Variants in EEF1A2 observed in about 807,000 individuals in gnomAD.
EEF1A2 encodes elongation factor 1-alpha 2.
In EEF1A2, 5 loss-of-function variants were observed where a neutral mutation model predicts 39.3. The ratio of observed to expected loss-of-function variants is 0.13; its 90% CI spans 0.07 to 0.27. The LOEUF (loss-of-function observed/expected upper bound fraction) is 0.27, where lower values mean the gene tolerates loss of function less well. EEF1A2 is among the 10% of genes least tolerant of loss of function. The pLI, the probability that EEF1A2 is intolerant of heterozygous loss-of-function variation, is 1.00. For missense variants in EEF1A2, 218 were observed against 681.4 expected (o/e 0.32, Z 7.57); for synonymous variants, 287 against 293.7 (o/e 0.98, Z 0.23).
intron 2 of EEF1A2, 155 bp from the exon 3 acceptor site, chr20:63,496,190 C>G (rs2082415767): frequency 1.1e-6 from 1 of 897,168 alleles, no homozygotes; most frequent in Admixed American, 2.7e-5. Context: ...CGCCGGCCCC[C>G]TCCGTCGGGA....
At chr20:63,493,552 CTG>C (rs2082401738) in intron 4 of EEF1A2, among the ~76,000 whole-genome samples, 1 of 152,214 alleles carries the variant, frequency 6.6e-6, no homozygotes, top group African/African-American at 2.4e-5. Flanking sequence ...GTTGCTGACA[CTG>C]TGAACAAATC....
rs2082426171 is a variant in EEF1A2 at position 63,498,032 on chromosome 20, C to G, written c.-71-198G>C. ...GAGGCTGTGCACTGCCCCCACCCCA[C>G]ACTTGAGCCCAAACAGCCCCATCTG... On this transcript the variant is annotated intron_variant, in intron 1 of 7. Transcript: ENST00000217182. The surrounding 1 kb of genome is among the most constrained non-coding windows in gnomAD (Gnocchi z 4.1). The G allele has an allele frequency of 5.2e-6, 2 of 386,524 alleles. No homozygotes were observed. Among genetic ancestry groups the G allele is most frequent in the Non-Finnish European group, 9.3e-6 (2 of 215,058 alleles). 23.9% of individuals were successfully genotyped at this position (386,524 alleles called of 1,614,324 possible). A position where few individuals can be genotyped will look rare whatever the true frequency, so the allele number is the denominator to read the frequency against.
At chr20:63,491,866 GT>G (rs2082381377) in intron 5 of EEF1A2, among the ~76,000 whole-genome samples, 2 of 99,220 alleles carry the variant, frequency 2.0e-5, no homozygotes, top group Non-Finnish European at 4.0e-5. Context: ...GGATGGGGAG[GT>G]GGATGGATAG....
chr20:63,496,542 T>A (rs2082418626), intron 2 of EEF1A2: 1 of 154,744 alleles, frequency 6.5e-6, no homozygotes, highest in African/African-American at 2.4e-5. Context: ...TTCCCGCTGC[T>A]CCAGCCTCCC....
At position 63,498,075 on chromosome 20, in the gene EEF1A2, T is replaced by C. The variant is rs1298752759; in HGVS notation, c.-71-241A>G. The C allele has an allele frequency of 4.1e-5, 11 of 271,284 alleles. No individual in the cohort carries two copies. Among genetic ancestry groups the C allele is most frequent in the Non-Finnish European group, 6.3e-5 (9 of 143,464 alleles). The allele number at this position is 271,284 out of a possible 1,614,324, so 16.8% of individuals were successfully genotyped here. A position where few individuals can be genotyped will look rare whatever the true frequency, so the allele number is the denominator to read the frequency against. ...CCCATCTGCTGTAAATAACTGGGCG[T>C]TGGAGCCCGCGGGCTGCTCCTTGGG... On this transcript the variant is annotated intron_variant, in intron 1 of 7. Transcript: ENST00000217182. The surrounding 1 kb of genome is among the most constrained non-coding windows in gnomAD (Gnocchi z 4.1).
intron 2 of EEF1A2, chr20:63,496,342 C>G: frequency 2.6e-6 from 1 of 389,632 alleles, no homozygotes; most frequent in Non-Finnish European, 4.7e-6. Flanking sequence ...GGGATAAACC[C>G]CTCCCGGGCG....
rs778585590 is a variant in EEF1A2, at chr20:63,493,242, C to T, written c.667G>A (p.Ala223Thr). The T allele has an allele frequency of 9.7e-6, 15 of 1,545,190 alleles. No individual in the cohort carries two copies. Among genetic ancestry groups the T allele is most frequent in the East Asian group, 2.5e-5 (1 of 40,792 alleles). Residue 223 changes from alanine to threonine, a missense_variant, in exon 5 of 8, where the codon GCA becomes ACA. Physicochemically the swap from Ala to Thr is moderately conservative, Grantham distance 58. Coordinates refer to ENST00000217182, the MANE Select transcript of EEF1A2 (RefSeq NM_001958.5). ...GWKVERKEGN[A>T]SGVSLLEALD... ...GCCTCCAGCAGGGACACGCCGCTTG[C>T]GTTGCCCTCCTTACGCTCCACCTTC... is the stretch of plus-strand genomic sequence containing the variant.
intron 5 of EEF1A2, among the ~76,000 whole-genome samples, chr20:63,491,851 T>C (rs2082381138): frequency 7.0e-6 from 1 of 143,434 alleles, no homozygotes; most frequent in Non-Finnish European, 1.5e-5. Context: ...GGTGGATGAA[T>C]GGATGGATGG....
At chr20:63,488,845 C>G in intron 7 of EEF1A2, 73 bp downstream of exon 7, 1 of 1,520,906 alleles carries the variant, frequency 6.6e-7, no homozygotes, top group East Asian at 2.3e-5. Flanking sequence ...CGCCCCATCC[C>G]CGCAGTCCTC....
intron 6 of EEF1A2, chr20:63,490,276 A>C: frequency 1.7e-6 from 1 of 601,262 alleles, no homozygotes; most frequent in Non-Finnish European, 2.8e-6. Flanking sequence ...CATGTTGACC[A>C]GGATGGACTT....
At chr20:63,496,905 G>C (rs1359221919) in intron 2 of EEF1A2, 2 of 152,670 alleles carry the variant, frequency 1.3e-5, no homozygotes, top group East Asian at 3.8e-4. Context: ...GCTCAGCCCA[G>C]GACAGCGAGT....
intron 6 of EEF1A2, among the ~76,000 whole-genome samples, chr20:63,489,826 G>A (rs1410827398): frequency 6.6e-6 from 1 of 152,188 alleles, no homozygotes; most frequent in Admixed American, 6.5e-5. Context: ...AGCAAAGAGG[G>A]GCAATGAAGA....
Position 63,497,817 on chromosome 20 carries a change from A to AGGG in EEF1A2, c.-57_-55dup. ...ACCCGGGGTGCTCTGGCTCAGGGCG[A>AGGG]GGGGGGCTGCAGTGATTCTGTGGGG... On this transcript the variant is annotated 5_prime_UTR_variant, in exon 2 of 8. Coordinates refer to ENST00000217182, the MANE Select transcript of EEF1A2 (RefSeq NM_001958.5). The surrounding 1 kb of genome is among the most constrained non-coding windows in gnomAD (Gnocchi z 7.3). 1 of 1,581,690 alleles carries AGGG rather than the reference A, an allele frequency of 6.3e-7. No individual in the cohort carries two copies. Among genetic ancestry groups the AGGG allele is most frequent in the Non-Finnish European group, 8.6e-7 (1 of 1,163,776 alleles).
intron 2 of EEF1A2, chr20:63,496,627 C>A (rs1213407372): frequency 6.5e-6 from 1 of 154,802 alleles, no homozygotes; most frequent in Non-Finnish European, 1.4e-5. Context: ...GCCAGTGAGA[C>A]CCCCACAGAA....
intron 6 of EEF1A2, chr20:63,490,227 T>C (rs1036345223): frequency 5.5e-5 from 23 of 419,136 alleles, no homozygotes; most frequent in Non-Finnish European, 9.6e-5. Flanking sequence ...CCACCACGCC[T>C]GGCTAATTTT....
chr20:63,495,198 G>T lies in EEF1A2; in HGVS notation c.325-97C>A, dbSNP rs1277902623. ...TCACTTCCAGGCCTCTCCAGGCAGC[G>T]GGCTGGGGCCTGAGCAGCCCACTGG... On this transcript the variant is annotated intron_variant, in intron 3 of 7. Coordinates refer to ENST00000217182, the MANE Select transcript of EEF1A2 (RefSeq NM_001958.5). The T allele has an allele frequency of 2.0e-6, 3 of 1,509,608 alleles. No individual in the cohort carries two copies. The Admixed American group carries it at 5.8e-5, about 29-fold the overall frequency. 93.5% of individuals were successfully genotyped at this position (1,509,608 alleles called of 1,614,324 possible). A position where few individuals can be genotyped will look rare whatever the true frequency, so the allele number is the denominator to read the frequency against.
At chr20:63,493,988 G>A (rs867919600) in intron 4 of EEF1A2, among the ~76,000 whole-genome samples, 1 of 152,218 alleles carries the variant, frequency 6.6e-6, no homozygotes, top group Non-Finnish European at 1.5e-5. Context: ...TGAGGAAAAC[G>A]CCATCACAGG....
At position 63,488,426 on chromosome 20, in the gene EEF1A2, C is replaced by A; in HGVS notation, c.1265-1G>T. 6.9e-7 allele frequency: 1 copy of A among 1,447,836 alleles called. No individual in the cohort carries two copies. The highest frequency in any genetic ancestry group is 9.1e-7 in the Non-Finnish European group (1 of 1,102,162). 89.7% of individuals were successfully genotyped at this position (1,447,836 alleles called of 1,614,324 possible). On this transcript the variant is annotated splice_acceptor_variant, in intron 7 of 7. Coordinates refer to ENST00000217182, the MANE Select transcript of EEF1A2 (RefSeq NM_001958.5). LOFTEE classifies it high-confidence loss of function. Reference sequence around the variant, plus strand: ...CTCATGTCGCGCACGGCGAAGCGGCCTGGGGGGCGGGGGGCGGCGTGTGGG... The same window carrying A: ...CTCATGTCGCGCACGGCGAAGCGGCATGGGGGGCGGGGGGCGGCGTGTGGG...
intron 5 of EEF1A2, among the ~76,000 whole-genome samples, chr20:63,491,576 C>G (rs1443665743): frequency 6.6e-6 from 1 of 152,082 alleles, no homozygotes; most frequent in African/African-American, 2.4e-5. Context: ...TATCAGTGCC[C>G]TTCTCTAGGG....
Sources: allele counts gnomAD v4.1 joint callset (sites outside exome capture counted in the v4.1 genomes callset), GRCh38; gene constraint gnomAD v4.1.1; non-coding constraint Gnocchi (gnomAD v3.1); transcripts MANE v1.5; gene names NCBI Gene and HGNC (gene_info 2026-07-23, HGNC 2026-07-21).